ADGRL3: variants seen among roughly 807,000 people sequenced by gnomAD.
ADGRL3 encodes the protein adhesion G protein-coupled receptor L3, also known as calcium-independent alpha-latrotoxin receptor 3.
ADGRL3 carries 62 observed loss-of-function variants against 153.5 expected under a neutral mutation model. The ratio of observed to expected loss-of-function variants is 0.40; its 90% CI spans 0.33 to 0.50. The LOEUF is 0.50. Ranked by LOEUF, ADGRL3 falls within the 20% of genes least tolerant of loss-of-function variation. The pLI is 0.47. For synonymous variants in ADGRL3, 710 were observed against 672.5 expected (o/e 1.06, Z -0.86); for missense variants, 1,641 against 1,859.4 (o/e 0.88, Z 2.16).
intron 4 of ADGRL3, among the ~76,000 whole-genome samples, chr4:61,567,372 A>G (rs980928345): frequency 2.6e-5 from 4 of 152,198 alleles, no homozygotes; most frequent in Admixed American, 2.6e-4. Flanking sequence ...ACTAATGACC[A>G]ATATGATATC....
chr4:61,951,868 CAAACA>C (rs1047876068), intron 17 of ADGRL3, among the ~76,000 whole-genome samples: 11 of 152,008 alleles, frequency 7.2e-5, no homozygotes, highest in Non-Finnish European at 1.5e-4. Context: ...GTGTCACAAA[CAAACA>C]AAACAAACAA....
chr4:62,006,309 C>G lies in ADGRL3; in HGVS notation c.3395+8044C>G, dbSNP rs180927922. 4.2e-3 allele frequency among the ~76,000 whole-genome samples: 638 copies of G among 151,554 alleles called. 4 individuals carry two copies. Among genetic ancestry groups the G allele is most frequent in the Non-Finnish European group, 6.5e-3 (441 of 67,892 alleles). On this transcript the variant is annotated intron_variant, in intron 21 of 26. Transcript: ENST00000683033. ...CTTTGGCCTCCCAAAGTGCCTGAGC[C>G]GCGGAGCCCAGCCTACATTTTTATG...
chr4:61,827,944 T>C (rs1025255756), intron 9 of ADGRL3, among the ~76,000 whole-genome samples: 5 of 152,176 alleles, frequency 3.3e-5, no homozygotes, highest in African/African-American at 1.2e-4. Flanking sequence ...TTTAGCCTTG[T>C]CTAAGTAATT....
At chr4:61,541,808 T>C (rs898063712) in intron 4 of ADGRL3, among the ~76,000 whole-genome samples, 15 of 149,550 alleles carry the variant, frequency 1.0e-4, no homozygotes, top group African/African-American at 3.2e-4. Flanking sequence ...GGCAAGTGAA[T>C]TTTTTGAGCC....
chr4:61,815,316 A>G (rs1267246119), intron 9 of ADGRL3, among the ~76,000 whole-genome samples: 1 of 152,176 alleles, frequency 6.6e-6, no homozygotes, highest in African/African-American at 2.4e-5. Context: ...AACATGAAAT[A>G]TTTTAAATTA....
At chr4:61,456,103 C>T (rs1311474917) in intron 2 of ADGRL3, among the ~76,000 whole-genome samples, 1 of 151,672 alleles carries the variant, frequency 6.6e-6, no homozygotes, top group South Asian at 2.1e-4. Flanking sequence ...TATGCCCGGC[C>T]GACCCTACAT....
At chr4:61,801,575 G>A (rs2097497993) in intron 8 of ADGRL3, among the ~76,000 whole-genome samples, 1 of 151,964 alleles carries the variant, frequency 6.6e-6, no homozygotes, top group African/African-American at 2.4e-5. Context: ...TAGAGCTTTG[G>A]ACTGTGGCAT....
At chr4:61,985,637 A>G (rs1477676444) in intron 19 of ADGRL3, among the ~76,000 whole-genome samples, 1 of 152,208 alleles carries the variant, frequency 6.6e-6, no homozygotes, top group Admixed American at 6.5e-5. Context: ...ATTCATAAAA[A>G]GGGAACGACA....
chr4:61,545,019 C>G lies in ADGRL3; in HGVS notation c.259+27501C>G, dbSNP rs148585698. 6.6e-5 allele frequency among the ~76,000 whole-genome samples: 10 copies of G among 152,140 alleles called. 1 individual carries two copies. In the East Asian group the frequency reaches 1.9e-3, roughly 29 times the overall value. ...GGATTTTGACTGGAAGTTTGTTCAA[C>G]TTAGATTGATTTGTGGTAAGTTGAT... On this transcript the variant is annotated intron_variant, in intron 4 of 26. Transcript: ENST00000683033.
intron 3 of ADGRL3, among the ~76,000 whole-genome samples, chr4:61,502,481 C>T (rs1579213661): frequency 1.1e-5 from 1 of 86,968 alleles, no homozygotes; most frequent in African/African-American, 5.9e-5. Flanking sequence ...CCAGCTTATA[C>T]ATGTTTTTTT....
intron 2 of ADGRL3, among the ~76,000 whole-genome samples, chr4:61,484,595 AG>A (rs2152749763): frequency 6.6e-6 from 1 of 152,296 alleles, no homozygotes; most frequent in South Asian, 2.1e-4. Context: ...ACATTATCAT[AG>A]TTAGAATGAA....
intron 23 of ADGRL3, among the ~76,000 whole-genome samples, chr4:62,031,882 T>A (rs1394760565): frequency 6.6e-6 from 1 of 151,220 alleles, no homozygotes; most frequent in African/African-American, 2.4e-5. Context: ...TCTTTAATAT[T>A]CCCATTGGTG....
intron 4 of ADGRL3, among the ~76,000 whole-genome samples, chr4:61,554,341 G>A (rs993931492): frequency 5.9e-5 from 9 of 151,682 alleles, no homozygotes; most frequent in South Asian, 2.1e-4. Context: ...TTACAGGCGC[G>A]TGCCACCACG....
intron 6 of ADGRL3, among the ~76,000 whole-genome samples, chr4:61,711,753 C>T (rs73217692): frequency 0.029 from 4,419 of 151,756 alleles, 227 homozygotes; most frequent in African/African-American, 0.1. Context: ...TTATTTGAAC[C>T]TGCTTTGAAT....
chr4:62,008,986 G>A (rs2099171390), intron 21 of ADGRL3, among the ~76,000 whole-genome samples: 1 of 152,076 alleles, frequency 6.6e-6, no homozygotes, highest in South Asian at 2.1e-4. Flanking sequence ...TGCTATACAA[G>A]TTTATAGCCT....
intron 5 of ADGRL3, among the ~76,000 whole-genome samples, chr4:61,672,792 T>C (rs1004480715): frequency 1.3e-5 from 2 of 151,956 alleles, no homozygotes; most frequent in African/African-American, 4.8e-5. Context: ...AAAATAGAAC[T>C]ACCATATGTT....
intron 17 of ADGRL3, among the ~76,000 whole-genome samples, chr4:61,958,355 T>G (rs1297101053): frequency 6.6e-6 from 1 of 151,054 alleles, no homozygotes; most frequent in Non-Finnish European, 1.5e-5. Flanking sequence ...GTTGTAAGTT[T>G]ATTAATGCTA....
intron 1 of ADGRL3, among the ~76,000 whole-genome samples, chr4:61,370,341 T>C (rs1430507720): frequency 1.3e-5 from 2 of 151,716 alleles, no homozygotes; most frequent in East Asian, 3.9e-4. Context: ...ATTTTGGATC[T>C]TTCCTGCTTT....
chr4:61,898,616 C>G (rs964298504), intron 11 of ADGRL3, among the ~76,000 whole-genome samples: 1 of 151,298 alleles, frequency 6.6e-6, no homozygotes, highest in African/African-American at 2.4e-5. Flanking sequence ...GAAATCTCAC[C>G]CTAATCTTTT....
Sources: gnomAD v4.1 joint callset for allele counts (sites outside exome capture counted in the v4.1 genomes callset) on GRCh38, gnomAD v4.1.1 for gene constraint, MANE v1.5 for transcripts, NCBI Gene and HGNC (gene_info 2026-07-23, HGNC 2026-07-21) for gene names.